Variants in NKAIN3 observed in about 807,000 individuals in gnomAD.
NKAIN3 encodes the protein sodium/potassium-transporting ATPase subunit beta-1-interacting protein 3.
NKAIN3 carries 25 observed loss-of-function variants against 30.2 expected under a neutral mutation model. That is an observed-to-expected ratio of 0.83 (90% confidence interval 0.60 to 1.16). The LOEUF is 1.16. NKAIN3 is among the 50% of genes most tolerant of loss of function. The pLI, the probability that NKAIN3 is intolerant of heterozygous loss-of-function variation, is 0.00. For missense variants in NKAIN3, 225 were observed against 254.1 expected (o/e 0.89, Z 0.78); for synonymous variants, 91 against 89.6 (o/e 1.02, Z -0.09).
chr8:62,848,359 T>C (rs188340966), intron 4 of NKAIN3, among the ~76,000 whole-genome samples: 3 of 152,306 alleles, frequency 2.0e-5, no homozygotes, highest in Non-Finnish European at 4.4e-5. Context: ...CAATGGTTTG[T>C]AGTTCTTCTT....
intron 4 of NKAIN3, among the ~76,000 whole-genome samples, chr8:62,832,971 A>C (rs1819242617): frequency 6.6e-6 from 1 of 152,106 alleles, no homozygotes; most frequent in Non-Finnish European, 1.5e-5. Flanking sequence ...AATTCAACAA[A>C]ACTTAACATA....
At chr8:62,683,361 G>A (rs543271202) in intron 3 of NKAIN3, among the ~76,000 whole-genome samples, 1 of 152,034 alleles carries the variant, frequency 6.6e-6, no homozygotes, top group African/African-American at 2.4e-5. Context: ...AATGATACTC[G>A]CTGTTGCTTC....
At chr8:62,447,407 A>G (rs1156875558) in intron 1 of NKAIN3, among the ~76,000 whole-genome samples, 1 of 151,966 alleles carries the variant, frequency 6.6e-6, no homozygotes, top group Non-Finnish European at 1.5e-5. Context: ...CCTTAAGTTA[A>G]CCATTTAATA....
intron 1 of NKAIN3, among the ~76,000 whole-genome samples, chr8:62,511,993 G>A (rs898769601): frequency 1.4e-4 from 21 of 152,056 alleles, no homozygotes; most frequent in African/African-American, 4.6e-4. Context: ...AAGAGCAGCA[G>A]CTGGGGCTAT....
chr8:62,306,177 TC>T (rs1814233736), intron 1 of NKAIN3, among the ~76,000 whole-genome samples: 1 of 150,402 alleles, frequency 6.6e-6, no homozygotes, highest in South Asian at 2.1e-4. Flanking sequence ...AGTATTTACT[TC>T]CTCTTTAAGT....
intron 1 of NKAIN3, among the ~76,000 whole-genome samples, chr8:62,569,357 C>T (rs1809853912): frequency 6.6e-6 from 1 of 152,140 alleles, no homozygotes; most frequent in Admixed American, 6.6e-5. Context: ...TGCTGATGTA[C>T]ATAGAAGTTG....
intron 4 of NKAIN3, among the ~76,000 whole-genome samples, chr8:62,837,685 T>C (rs1819409767): frequency 6.6e-6 from 1 of 152,130 alleles, no homozygotes; most frequent in Non-Finnish European, 1.5e-5. Flanking sequence ...CAAAATGAGA[T>C]GCAATGTCAA....
At chr8:62,894,409 ATTAC>A (rs1452810862) in intron 4 of NKAIN3, among the ~76,000 whole-genome samples, 1 of 152,018 alleles carries the variant, frequency 6.6e-6, no homozygotes, top group African/African-American at 2.4e-5. Context: ...AGATTTTCAC[ATTAC>A]TTTTGTTTTG....
At chr8:62,344,005 T>C (rs1320182103) in intron 1 of NKAIN3, among the ~76,000 whole-genome samples, 1 of 152,070 alleles carries the variant, frequency 6.6e-6, no homozygotes, top group Non-Finnish European at 1.5e-5. Context: ...TAGAGAATTA[T>C]GCAAATAGAA....
At chr8:62,375,543 T>A (rs1156310574) in intron 1 of NKAIN3, among the ~76,000 whole-genome samples, 1 of 152,152 alleles carries the variant, frequency 6.6e-6, no homozygotes, top group Admixed American at 6.5e-5. Flanking sequence ...CGTTCTGAAC[T>A]TCGATTGATT....
At chr8:62,384,380 T>A (rs1401437899) in intron 1 of NKAIN3, among the ~76,000 whole-genome samples, 1 of 152,202 alleles carries the variant, frequency 6.6e-6, no homozygotes, top group Non-Finnish European at 1.5e-5. Context: ...CCCATGAATG[T>A]TTGTCTGCTT....
intron 4 of NKAIN3, among the ~76,000 whole-genome samples, chr8:62,903,966 G>A (rs1244532853): frequency 6.6e-6 from 1 of 152,134 alleles, no homozygotes; most frequent in African/African-American, 2.4e-5. Flanking sequence ...TTGACACATG[G>A]GGATTATTAC....
chr8:62,883,459 T>TGTTTTTTTTTTTG lies in NKAIN3; in HGVS notation c.472-34994_472-34993insGTTTTTTTTTTTG, dbSNP rs1554588081. On this transcript the variant is annotated intron_variant, in intron 4 of 6. Coordinates refer to ENST00000623646, the MANE Select transcript of NKAIN3 (RefSeq NM_001304533.3). ...TATTATTTCCAGGAGTTTTATGGGT[T>TGTTTTTTTTTTTG]TTTTTTTTTTTTTTCAGATTTTCTA... Among the ~76,000 whole-genome samples, 23 of 78,456 alleles carry TGTTTTTTTTTTTG rather than the reference T, an allele frequency of 2.9e-4. 1 individual carries two copies. The highest frequency in any genetic ancestry group is 7.4e-4 in the African/African-American group (21 of 28,250). 51.5% of individuals were successfully genotyped at this position (78,456 alleles called of 152,430 possible). A position where few individuals can be genotyped will look rare whatever the true frequency, so the allele number is the denominator to read the frequency against.
chr8:62,402,105 T>C (rs914129347), intron 1 of NKAIN3, among the ~76,000 whole-genome samples: 1 of 152,184 alleles, frequency 6.6e-6, no homozygotes, highest in Non-Finnish European at 1.5e-5. Flanking sequence ...TCTTTTTTTA[T>C]TGTGGTTCAG....
chr8:62,906,808 C>T (rs189327166), intron 4 of NKAIN3, among the ~76,000 whole-genome samples: 96 of 152,276 alleles, frequency 6.3e-4, no homozygotes, highest in African/African-American at 2.3e-3. Context: ...AACCTCTTTC[C>T]TTTATAAATT....
At chr8:62,756,052 T>A (rs1257047652) in intron 4 of NKAIN3, among the ~76,000 whole-genome samples, 1 of 152,212 alleles carries the variant, frequency 6.6e-6, no homozygotes, top group Non-Finnish European at 1.5e-5. Flanking sequence ...TATACTCTCT[T>A]GGTGAAATGT....
intron 6 of NKAIN3, among the ~76,000 whole-genome samples, chr8:62,955,032 C>A (rs112587625): frequency 1.8e-3 from 270 of 152,244 alleles, no homozygotes; most frequent in Non-Finnish European, 2.7e-3. Flanking sequence ...GTTTCACCTG[C>A]TGCCTCTTTG....
chr8:62,803,175 A>G (rs567456780), intron 4 of NKAIN3, among the ~76,000 whole-genome samples: 37 of 152,304 alleles, frequency 2.4e-4, no homozygotes, highest in Non-Finnish European at 4.6e-4. Context: ...GGAGACTTTA[A>G]CACCCCACTG....
At chr8:62,334,279 T>G (rs138628510) in intron 1 of NKAIN3, among the ~76,000 whole-genome samples, 1 of 152,116 alleles carries the variant, frequency 6.6e-6, no homozygotes, top group Non-Finnish European at 1.5e-5. Flanking sequence ...AGAATCAAGA[T>G]GTCGGCAGAG....
Sources: gnomAD v4.1 joint callset for allele counts (sites outside exome capture counted in the v4.1 genomes callset) on GRCh38, gnomAD v4.1.1 for gene constraint, MANE v1.5 for transcripts, NCBI Gene and HGNC (gene_info 2026-07-23, HGNC 2026-07-21) for gene names.